The following SPEF2 variants were observed in gnomAD, a reference collection of about 807,000 sequenced individuals.
SPEF2 encodes the protein sperm flagella and cilia-associated protein 2.
A neutral mutation model predicts 224.6 loss-of-function variants in SPEF2; 187 were observed. The ratio of observed to expected loss-of-function variants is 0.83; its 90% CI spans 0.74 to 0.94. The LOEUF (loss-of-function observed/expected upper bound fraction) is 0.94, where lower values mean the gene tolerates loss of function less well. Ranked by LOEUF, SPEF2 falls within the 40% of genes least tolerant of loss-of-function variation. SPEF2 has a pLI of 0.00. For synonymous variants in SPEF2, 715 were observed against 707.3 expected (o/e 1.01, Z -0.17); for missense variants, 2,170 against 2,135.6 (o/e 1.02, Z -0.32).
chr5:35,751,082 C>CGTATATACATAT (rs1561305754), intron 23 of SPEF2, among the ~76,000 whole-genome samples: 1 of 12,196 alleles, frequency 8.2e-5, no homozygotes, highest in African/African-American at 1.9e-4. Flanking sequence ...TATATATACA[C>CGTATATACATAT]ACACACACAC....
intron 24 of SPEF2, among the ~76,000 whole-genome samples, chr5:35,754,783 A>C (rs546056422): frequency 6.6e-6 from 1 of 152,338 alleles, no homozygotes; most frequent in Non-Finnish European, 1.5e-5. Context: ...AGTCAAGCTA[A>C]AATAACAGGA....
intron 21 of SPEF2, among the ~76,000 whole-genome samples, chr5:35,738,879 CT>C (rs1372543077): frequency 3.9e-5 from 6 of 152,170 alleles, no homozygotes; most frequent in African/African-American, 1.2e-4. Flanking sequence ...CTGCTAATTT[CT>C]TTGGAACATT....
chr5:35,637,051 A>G (rs1745936080), intron 2 of SPEF2, among the ~76,000 whole-genome samples: 1 of 151,992 alleles, frequency 6.6e-6, no homozygotes, highest in Admixed American at 6.6e-5. Context: ...GGCGCTTCAA[A>G]TCTGTTTGTC....
intron 21 of SPEF2, 138 bp downstream of exon 21, chr5:35,727,961 G>T (rs1374987867): frequency 3.5e-6 from 3 of 865,114 alleles, no homozygotes; most frequent in Admixed American, 6.5e-5. Context: ...TTTTTTTAGA[G>T]ACTACTCAAT....
In SPEF2 at chr5:35,705,696, T is replaced by G. The variant is rs1207766795; in HGVS notation, c.2553T>G (p.Phe851Leu). Residue 851 changes from phenylalanine (F) to leucine (L), a missense_variant, in exon 18 of 37, where the codon TTT becomes TTG. Phe to Leu is a conservative substitution (Grantham distance 22). Transcript: ENST00000356031. Reference sequence around the variant, plus strand: ...ACTGGCCTTTATTGGAGCAATGGTTTTCAGAGCCAGAAAATATTTTGATAA... The same window carrying G: ...ACTGGCCTTTATTGGAGCAATGGTTGTCAGAGCCAGAAAATATTTTGATAA... ...LDNWPLLEQW[F>L]SEPENILIKI... is the part of the protein sequence containing the mutation. 5.6e-6 allele frequency: 9 copies of G among 1,592,972 alleles called. No homozygotes were observed. The African/African-American group carries it at 1.1e-4, about 19-fold the overall frequency.
intron 10 of SPEF2, among the ~76,000 whole-genome samples, chr5:35,672,464 G>A (rs1751332380): frequency 1.3e-5 from 2 of 150,732 alleles, no homozygotes; most frequent in African/African-American, 4.9e-5. Flanking sequence ...TTTTAGATAA[G>A]CCAGGATGCA....
At chr5:35,629,265 T>C (rs1286800353) in intron 2 of SPEF2, among the ~76,000 whole-genome samples, 1 of 146,392 alleles carries the variant, frequency 6.8e-6, no homozygotes, top group Non-Finnish European at 1.5e-5. Flanking sequence ...ACCATTCTCC[T>C]GCCTCAGCCT....
At chr5:35,763,776 G>C in intron 26 of SPEF2, 74 bp downstream of exon 26, 1 of 206,530 alleles carries the variant, frequency 4.8e-6, no homozygotes, top group Non-Finnish European at 8.2e-6. Context: ...TATGCTATAA[G>C]TGGAAAATTG....
Position 35,763,539 on chromosome 5 carries a change from G to T in SPEF2, c.3638G>T (p.Arg1213Leu). Residue 1213 changes from arginine to leucine, a missense_variant, in exon 26 of 37, where the codon CGA becomes CTA. Physicochemically the swap from Arg to Leu is moderately radical, Grantham distance 102. Coordinates refer to ENST00000356031, the MANE Select transcript of SPEF2 (RefSeq NM_024867.4). Reference protein sequence around the residue: ...ESQLRIPLVPRISISLETVTP... With the variant: ...ESQLRIPLVPLISISLETVTP... ...TCTCAAAGAATTCCTCTAGTTCCTC[G>T]AATATCCATTTCTCTGGAAACAGTT... 6.3e-7 allele frequency: 1 copy of T among 1,579,712 alleles called. No homozygotes were observed. Among genetic ancestry groups the T allele is most frequent in the Non-Finnish European group, 8.6e-7 (1 of 1,167,184 alleles).
At chr5:35,731,515 T>A (rs982607247) in intron 21 of SPEF2, among the ~76,000 whole-genome samples, 11 of 141,818 alleles carry the variant, frequency 7.8e-5, no homozygotes, top group Non-Finnish European at 4.7e-5. Flanking sequence ...CTTCATTGGA[T>A]TTTTTAGTAT....
At chr5:35,716,803 T>G (rs1304096538) in intron 20 of SPEF2, among the ~76,000 whole-genome samples, 1 of 152,208 alleles carries the variant, frequency 6.6e-6, no homozygotes, top group Non-Finnish European at 1.5e-5. Flanking sequence ...TCTGTTTATT[T>G]GATACCAATT....
rs758684531 is a variant in SPEF2 at position 35,700,669 on chromosome 5, C to G, written c.2315C>G (p.Pro772Arg). Reference protein sequence around the residue: ...AIDPATSKEIPLPSPAFDFVI... With the variant: ...AIDPATSKEIRLPSPAFDFVI... ...GATCCTGCGACTTCCAAAGAAATAC[C>G]TCTTCCCTCTCCTGCATTTGATTTT... Residue 772 changes from proline (P) to arginine (R), a missense_variant, in exon 16 of 37, where the codon CCT (proline) becomes CGT (arginine). Pro to Arg is a moderately radical substitution (Grantham distance 103). Transcript: ENST00000356031. The G allele has an allele frequency of 6.2e-7, 1 of 1,613,960 alleles. No homozygotes were observed. Among genetic ancestry groups the G allele is most frequent in the African/African-American group, 1.3e-5 (1 of 75,040 alleles).
chr5:35,796,779 C>CT (rs1756732272), intron 33 of SPEF2, among the ~76,000 whole-genome samples: 1 of 152,078 alleles, frequency 6.6e-6, no homozygotes, highest in Non-Finnish European at 1.5e-5. Flanking sequence ...CCAGTTGCAG[C>CT]CTTAAATGGA....
chr5:35,703,479 T>C (rs1395644800), intron 16 of SPEF2, among the ~76,000 whole-genome samples: 1 of 152,006 alleles, frequency 6.6e-6, no homozygotes, highest in Non-Finnish European at 1.5e-5. Flanking sequence ...AAGTTTGTGG[T>C]AGGAGTATAG....
At position 35,739,938 on chromosome 5, in the gene SPEF2, T is replaced by C; in HGVS notation, c.3083T>C (p.Val1028Ala). ...TAACAGGAAATGCCTTTGTTTTTAG[T>C]ACCTTACTGGGAACTAATAGAAAAT... ...PVPEEMPLFL[V>A]PYWELIENSY... is the part of the protein sequence containing the mutation. Residue 1028 changes from valine to alanine, a missense_variant, in exon 22 of 37, where the codon GTA becomes GCA. By Grantham distance (64) the Val-to-Ala change is moderately conservative. Transcript: ENST00000356031. The C allele has an allele frequency of 6.2e-7, 1 of 1,613,712 alleles. No homozygotes were observed. The highest frequency in any genetic ancestry group is 8.5e-7 in the Non-Finnish European group (1 of 1,179,910).
chr5:35,814,218 T>C (rs540188664), intron 36 of SPEF2, among the ~76,000 whole-genome samples: 2 of 152,320 alleles, frequency 1.3e-5, no homozygotes, highest in Non-Finnish European at 2.9e-5. Flanking sequence ...TAACCTAATA[T>C]GACAACTCCA....
At chr5:35,660,412 A>G (rs765552135) in intron 8 of SPEF2, among the ~76,000 whole-genome samples, 4 of 152,228 alleles carry the variant, frequency 2.6e-5, no homozygotes, top group Non-Finnish European at 5.9e-5. Flanking sequence ...TTCCACTGTG[A>G]TACCCCATGA....
At chr5:35,661,370 A>AT (rs1749722970) in intron 8 of SPEF2, among the ~76,000 whole-genome samples, 1 of 145,666 alleles carries the variant, frequency 6.9e-6, no homozygotes, top group African/African-American at 2.5e-5. Flanking sequence ...TATACCAAAA[A>AT]ATATATATAC....
chr5:35,710,891 G>C (rs1740976159), intron 19 of SPEF2: 1 of 984,798 alleles, frequency 1.0e-6, no homozygotes, highest in Admixed American at 6.2e-5. Flanking sequence ...CAAGGTCAAG[G>C]CTAGTGCCTG....
Sources: allele counts gnomAD v4.1 joint callset (sites outside exome capture counted in the v4.1 genomes callset), GRCh38; gene constraint gnomAD v4.1.1; transcripts MANE v1.5; gene names NCBI Gene and HGNC (gene_info 2026-07-23, HGNC 2026-07-21).